YEATS4: variants seen among roughly 807,000 people sequenced by gnomAD.
YEATS4 encodes the protein YEATS domain containing 4, also known as YEATS domain-containing protein 4.
Under a neutral mutation model 30.1 loss-of-function variants are expected in YEATS4, and 17 were observed. The ratio of observed to expected loss-of-function variants is 0.56; its 90% CI spans 0.39 to 0.85. YEATS4 has a LOEUF of 0.85. YEATS4 is among the 40% of genes least tolerant of loss of function. The pLI, the probability that YEATS4 is intolerant of heterozygous loss-of-function variation, is 0.00. For synonymous variants in YEATS4, 85 were observed against 87.5 expected (o/e 0.97, Z 0.16); for missense variants, 142 against 268.3 (o/e 0.53, Z 3.29).
intron 6 of YEATS4, among the ~76,000 whole-genome samples, chr12:69,382,841 T>G (rs1876130329): frequency 6.6e-6 from 1 of 152,152 alleles, no homozygotes; most frequent in Non-Finnish European, 1.5e-5. Context: ...TTTTGAATAA[T>G]GAGGTATTGG....
At chr12:69,401,791 C>T in the YEATS4 span, among the ~76,000 whole-genome samples, 3 of 152,186 alleles carry the variant, frequency 2.0e-5, no homozygotes, top group Non-Finnish European at 2.9e-5. Context: ...GTCTCTCACA[C>T]GTTCTACTTT....
chr12:69,376,799 T>A (rs1204765407), intron 6 of YEATS4, among the ~76,000 whole-genome samples: 1 of 152,230 alleles, frequency 6.6e-6, no homozygotes, highest in African/African-American at 2.4e-5. Flanking sequence ...TTCAAATGTT[T>A]GGTAAAATTC....
intron 6 of YEATS4, among the ~76,000 whole-genome samples, chr12:69,383,740 ATGACT>A (rs2121042495): frequency 6.6e-6 from 1 of 152,348 alleles, no homozygotes; most frequent in Non-Finnish European, 1.5e-5. Context: ...AGGTCAGAAG[ATGACT>A]TGAAGTGGAT....
intron 4 of YEATS4, among the ~76,000 whole-genome samples, chr12:69,366,242 T>A (rs1028680865): frequency 2.0e-5 from 3 of 152,198 alleles, no homozygotes; most frequent in Non-Finnish European, 4.4e-5. Context: ...AGTTAAACCC[T>A]AAGAAACAGT....
At chr12:69,363,053 C>T (rs1003063552) in intron 2 of YEATS4, 146 bp downstream of exon 2, 8 of 639,998 alleles carry the variant, frequency 1.3e-5, no homozygotes, top group African/African-American at 6.7e-5. Context: ...AGTGCAGTGG[C>T]GCGATCTCAG....
intron 6 of YEATS4, among the ~76,000 whole-genome samples, chr12:69,372,540 T>TTTTTG (rs1424404342): frequency 1.3e-4 from 19 of 148,390 alleles, no homozygotes; most frequent in Non-Finnish European, 2.8e-4. Context: ...CTCATGAGTT[T>TTTTTG]TTTTTTTTTT....
At chr12:69,418,227 A>G in the YEATS4 span, among the ~76,000 whole-genome samples, 1 of 152,168 alleles carries the variant, frequency 6.6e-6, no homozygotes, top group Non-Finnish European at 1.5e-5. Flanking sequence ...TGCAATATGT[A>G]TAAGGCATTA....
intron 4 of YEATS4, among the ~76,000 whole-genome samples, chr12:69,368,064 G>A (rs1875503858): frequency 1.3e-5 from 2 of 152,160 alleles, no homozygotes; most frequent in Non-Finnish European, 1.5e-5. Flanking sequence ...CTGTTTAATA[G>A]ATTCCCATAT....
At position 69,359,904 on chromosome 12, in the gene YEATS4, G is replaced by C; in HGVS notation, c.-69G>C. ...CCCGCGCGACAGGAGCGCGGTCTCT[G>C]AGGGGAGCGGCGACCCCGCCAGCCC... On this transcript the variant is annotated 5_prime_UTR_variant, in exon 1 of 7. Transcript: ENST00000247843. 1.3e-6 allele frequency: 2 copies of C among 1,599,890 alleles called. No individual in the cohort carries two copies.
chr12:69,425,836 A>T, the YEATS4 span, among the ~76,000 whole-genome samples: 1 of 152,200 alleles, frequency 6.6e-6, no homozygotes, highest in Non-Finnish European at 1.5e-5. Flanking sequence ...GTGTGATCTC[A>T]TGAAGCTGTA....
At chr12:69,425,830 G>T in the YEATS4 span, among the ~76,000 whole-genome samples, 2 of 152,180 alleles carry the variant, frequency 1.3e-5, no homozygotes, top group Non-Finnish European at 2.9e-5. Flanking sequence ...CCCACTGTGT[G>T]ATCTCATGAA....
At chr12:69,386,125 G>T (rs1490395264) in intron 6 of YEATS4, among the ~76,000 whole-genome samples, 1 of 152,162 alleles carries the variant, frequency 6.6e-6, no homozygotes, top group African/African-American at 2.4e-5. Context: ...CACATAGGAA[G>T]CAGAACACTG....
chr12:69,408,320 T>C, the YEATS4 span, among the ~76,000 whole-genome samples: 2 of 152,244 alleles, frequency 1.3e-5, no homozygotes, highest in East Asian at 3.8e-4. Context: ...TAATTTCTCA[T>C]TTTTATAGAT....
intron 6 of YEATS4, among the ~76,000 whole-genome samples, chr12:69,389,450 CA>C (rs11333279): frequency 0.52 from 51,786 of 99,290 alleles, 11,064 homozygotes; most frequent in Non-Finnish European, 0.54. Context: ...GACTCCATCT[CA>C]AAAAAAAAAA....
downstream of YEATS4, among the ~76,000 whole-genome samples, chr12:69,391,286 T>C (rs924166208): frequency 2.0e-5 from 3 of 151,012 alleles, no homozygotes; most frequent in African/African-American, 7.3e-5. Flanking sequence ...AGAATGAGAC[T>C]TCATCTCAAA....
At chr12:69,368,120 G>A (rs777240306) in intron 4 of YEATS4, among the ~76,000 whole-genome samples, 5 of 152,086 alleles carry the variant, frequency 3.3e-5, no homozygotes, top group Admixed American at 6.5e-5. Context: ...ATATTATAGG[G>A]TTTTTTAGTA....
the YEATS4 span, among the ~76,000 whole-genome samples, chr12:69,419,234 T>TTTTTTTTTTTG: frequency 6.2e-5 from 9 of 146,022 alleles, no homozygotes; most frequent in Middle Eastern, 3.6e-3. Flanking sequence ...TTTTTTTTTT[T>TTTTTTTTTTTG]TTTAGAGACA....
chr12:69,416,410 A>G, the YEATS4 span, among the ~76,000 whole-genome samples: 3,342 of 152,308 alleles, frequency 0.022, 109 homozygotes, highest in African/African-American at 0.075. Flanking sequence ...TGAGAGACAT[A>G]TTGCAAAACA....
chr12:69,375,388 G>A (rs1257681077), intron 6 of YEATS4, among the ~76,000 whole-genome samples: 1 of 150,942 alleles, frequency 6.6e-6, no homozygotes, highest in Admixed American at 6.6e-5. Context: ...ACGGGATGAC[G>A]GCCGGGAAGA....
Sources: allele counts gnomAD v4.1 joint callset (sites outside exome capture counted in the v4.1 genomes callset), GRCh38; gene constraint gnomAD v4.1.1; transcripts MANE v1.5; gene names NCBI Gene and HGNC (gene_info 2026-07-23, HGNC 2026-07-21).